Variants in NOD1 observed in about 807,000 individuals in gnomAD.
NOD1 encodes nucleotide-binding oligomerization domain-containing protein 1.
A neutral mutation model predicts 81.2 loss-of-function variants in NOD1; 70 were observed. The observed-to-expected ratio is 0.86, with a 90% CI of 0.71 to 1.05. NOD1 has a LOEUF of 1.05. Among genes scored for constraint, NOD1 ranks in the 50% least tolerant of loss-of-function variants. The pLI is 0.00. For synonymous variants in NOD1, 508 were observed against 526.9 expected (o/e 0.96, Z 0.49); for missense variants, 1,233 against 1,228.0 (o/e 1.00, Z -0.06).
At chr7:30,448,997 G>A (rs1276307743) in intron 6 of NOD1, among the ~76,000 whole-genome samples, 2 of 152,212 alleles carry the variant, frequency 1.3e-5, no homozygotes, top group Admixed American at 1.3e-4. Context: ...GTGTCAGACA[G>A]CAAATATTTT....
At chr7:30,469,210 C>T in intron 1 of NOD1, 1 of 985,420 alleles carries the variant, frequency 1.0e-6, no homozygotes, top group Non-Finnish European at 1.2e-6. Flanking sequence ...CATGCCAGAA[C>T]ACTATAGGCA....
In NOD1 at chr7:30,433,230, T is replaced by C. The variant is rs772917244; in HGVS notation, c.2622-51A>G. On this transcript the variant is annotated intron_variant, in intron 11 of 13. Transcript: ENST00000222823. ...CTCAAGAGAGCCTACTTGGCAGACATTGTTTTAGAGTTCACAGGAGCGGGA... is the reference window on the plus strand; with the variant it reads ...CTCAAGAGAGCCTACTTGGCAGACACTGTTTTAGAGTTCACAGGAGCGGGA... 6.2e-6 allele frequency: 9 copies of C among 1,450,820 alleles called. No homozygotes were observed. In the East Asian group the frequency reaches 1.4e-4, roughly 22 times the overall value. The allele number at this position is 1,450,820 out of a possible 1,614,324, so 89.9% of individuals were successfully genotyped here.
At chr7:30,470,301 C>T (rs1458784935) in intron 1 of NOD1, among the ~76,000 whole-genome samples, 1 of 152,214 alleles carries the variant, frequency 6.6e-6, no homozygotes, top group Non-Finnish European at 1.5e-5. Flanking sequence ...AAGCACCGGC[C>T]GTGACCTACA....
chr7:30,476,992 T>C (rs568992668), intron 1 of NOD1, among the ~76,000 whole-genome samples: 1 of 152,350 alleles, frequency 6.6e-6, no homozygotes, highest in South Asian at 2.1e-4. Context: ...ACCTTCCAGG[T>C]GTGTGATGCA....
At chr7:30,436,833 A>T (rs2128007540) in intron 10 of NOD1, among the ~76,000 whole-genome samples, 1 of 152,348 alleles carries the variant, frequency 6.6e-6, no homozygotes, top group South Asian at 2.1e-4. Context: ...TCAGGGATCT[A>T]GAACCAGAAA....
chr7:30,468,234 T>G (rs918631054), intron 1 of NOD1, among the ~76,000 whole-genome samples: 13 of 152,164 alleles, frequency 8.5e-5, no homozygotes, highest in Non-Finnish European at 1.5e-4. Flanking sequence ...TTGTCTTGTA[T>G]TTCCTCTTTT....
In NOD1 at chr7:30,455,302, T is replaced by C; in HGVS notation, c.211A>G (p.Ile71Val). The C allele has an allele frequency of 6.2e-7, 1 of 1,613,156 alleles. No individual in the cohort carries two copies. The change falls in exon 5 of 14, where the codon ATT becomes GTT. Residue 71 changes from isoleucine (I) to valine (V), a missense_variant. Transcript: ENST00000222823. ...CPTQPDKVRK[I>V]LDLVQSKGEE... ...CCCTTGCTCTGTACCAGGTCCAGAA[T>C]TTTGCGGACCTGGAGGTGACACAAG...
In NOD1 at chr7:30,448,313, A is replaced by C; in HGVS notation, c.2270T>G (p.Ile757Ser). ...AAAGACATACCCCAAATAGGTCACA[A>C]TTTTGTATTTGGTCAGCTCTTCGCT... The part of the protein sequence containing the change: ...VLSEELTKYK[I>S]VTYLGLYNNQ... The change falls in exon 7 of 14, where the codon ATT (isoleucine) becomes AGT (serine). Residue 757 changes from isoleucine to serine, a missense_variant. Coordinates refer to ENST00000222823, the MANE Select transcript of NOD1 (RefSeq NM_006092.4). The C allele has an allele frequency of 1.9e-6, 3 of 1,613,872 alleles. No individual in the cohort carries two copies. The highest frequency in any genetic ancestry group is 2.5e-6 in the Non-Finnish European group (3 of 1,179,720).
chr7:30,452,007 G>A lies in NOD1; in HGVS notation c.1410C>T (p.Gly470=). ...LCSLGQVAHR[G]MEKSLFVFTQ... ...TGAAGACAAAGAGGCTCTTCTCCAT[G>A]CCCCGGTGGGCCACCTGCCCCAGCG... The change falls in exon 6 of 14, where the codon GGC becomes GGT. Residue 470 remains glycine, a synonymous_variant. Coordinates refer to ENST00000222823, the MANE Select transcript of NOD1 (RefSeq NM_006092.4). The A allele has an allele frequency of 6.2e-7, 1 of 1,613,484 alleles. No homozygotes were observed. Among genetic ancestry groups the A allele is most frequent in the South Asian group, 1.1e-5 (1 of 91,086 alleles).
At position 30,469,045 on chromosome 7, in the gene NOD1, C is replaced by T. The variant is rs919004162; in HGVS notation, c.-351-9004G>A. The stretch of plus-strand genomic sequence containing the variant: ...CTTCGACAGAGCTGCACGGAGAACA[C>T]ATATGCTTGGTCAGCTCAAATGGTG... On this transcript the variant is annotated intron_variant, in intron 1 of 13. Transcript: ENST00000222823. 3.0e-6 allele frequency: 3 copies of T among 985,334 alleles called. No individual in the cohort carries two copies. The African/African-American group carries it at 5.2e-5, about 17-fold the overall frequency. The allele number at this position is 985,334 out of a possible 1,614,324, so 61.0% of individuals were successfully genotyped here.
chr7:30,474,159 C>T (rs895673593), intron 1 of NOD1, among the ~76,000 whole-genome samples: 2 of 152,256 alleles, frequency 1.3e-5, no homozygotes, highest in African/African-American at 4.8e-5. Flanking sequence ...GATTAAAAAC[C>T]TTATCTGAAG....
Position 30,425,634 on chromosome 7 carries a change from C to T in NOD1, c.*4G>A, listed in dbSNP as rs1583636763. Reference sequence around the variant, plus strand: ...AAAAACCCCATGAACAGGAAAGCATCCTCTCAGAAACAGATAATCCGCTTC... The same window carrying T: ...AAAAACCCCATGAACAGGAAAGCATTCTCTCAGAAACAGATAATCCGCTTC... On this transcript the variant is annotated 3_prime_UTR_variant, in exon 14 of 14. Transcript: ENST00000222823. The T allele has an allele frequency of 6.2e-7, 1 of 1,610,932 alleles. No homozygotes were observed. Among genetic ancestry groups the T allele is most frequent in the Non-Finnish European group, 8.5e-7 (1 of 1,177,028 alleles).
chr7:30,461,987 C>T lies in NOD1; in HGVS notation c.-351-1946G>A, dbSNP rs9942688. On this transcript the variant is annotated intron_variant, in intron 1 of 13. Transcript: ENST00000222823. ...TCTCCTGACCTCGTGATCCACCCAC[C>T]TCGGCCTCCCAAAGTGCTGGGATTA... Among the ~76,000 whole-genome samples, 1,219 of 152,290 alleles carry T rather than the reference C, an allele frequency of 8.0e-3. 16 individuals are homozygous for T. Among genetic ancestry groups the T allele is most frequent in the African/African-American group, 0.028 (1,156 of 41,558 alleles).
At chr7:30,448,192 C>A in intron 7 of NOD1, 106 bp downstream of exon 7, 1 of 946,624 alleles carries the variant, frequency 1.1e-6, no homozygotes, top group Non-Finnish European at 1.7e-6. Context: ...TCTTCCCAGC[C>A]CTGGGCCATC....
At chr7:30,430,175 G>A (rs1467761525) in intron 12 of NOD1, among the ~76,000 whole-genome samples, 1 of 152,156 alleles carries the variant, frequency 6.6e-6, no homozygotes, top group Non-Finnish European at 1.5e-5. Flanking sequence ...AGGGAGGGAG[G>A]AGAAACAGTT....
intron 12 of NOD1, among the ~76,000 whole-genome samples, chr7:30,430,872 G>A (rs1380051246): frequency 6.6e-6 from 1 of 152,188 alleles, no homozygotes; most frequent in Non-Finnish European, 1.5e-5. Context: ...CAAGGGCTAG[G>A]GCCCCTGGGT....
chr7:30,431,080 T>C (rs1783910393), intron 12 of NOD1, among the ~76,000 whole-genome samples: 2 of 152,152 alleles, frequency 1.3e-5, no homozygotes, highest in Non-Finnish European at 2.9e-5. Flanking sequence ...CTAAAAAGCC[T>C]GCAGTGTCCA....
At position 30,437,656 on chromosome 7, in the gene NOD1, C is replaced by T; in HGVS notation, c.2454G>A (p.Gly818=). The change falls in exon 10 of 14, where the codon GGG becomes GGA. Residue 818 remains glycine, a splice_region_variant and synonymous_variant. Transcript: ENST00000222823. ...VKNSKSISEV[G]MWGNQVGDEG... is the part of the protein sequence containing the mutation. ...CATCCCCAACTTGATTGCCCCACAT[C>T]CTGAGGGAGGAGACAAGATAGTGAA... is the stretch of plus-strand genomic sequence containing the variant. 6.6e-7 allele frequency: 1 copy of T among 1,514,078 alleles called. No homozygotes were observed. Among genetic ancestry groups the T allele is most frequent in the Non-Finnish European group, 8.8e-7 (1 of 1,141,300 alleles). 93.8% of individuals were successfully genotyped at this position (1,514,078 alleles called of 1,614,324 possible).
intron 11 of NOD1, among the ~76,000 whole-genome samples, chr7:30,435,302 G>A (rs566190806): frequency 6.6e-6 from 1 of 152,312 alleles, no homozygotes; most frequent in African/African-American, 2.4e-5. Flanking sequence ...CCTGGGGAAG[G>A]AGGAGGCTGC....
Sources: gnomAD v4.1 joint callset for allele counts (sites outside exome capture counted in the v4.1 genomes callset) on GRCh38, gnomAD v4.1.1 for gene constraint, MANE v1.5 for transcripts, NCBI Gene and HGNC (gene_info 2026-07-23, HGNC 2026-07-21) for gene names.